The following ADAMTSL1 variants were observed in gnomAD, a reference collection of about 807,000 sequenced individuals.
ADAMTSL1 encodes the protein ADAMTS like 1, also known as ADAMTS-like protein 1.
Under a neutral mutation model 201.8 loss-of-function variants are expected in ADAMTSL1, and 126 were observed. That is an observed-to-expected ratio of 0.62 (90% CI 0.54 to 0.72). ADAMTSL1 has a LOEUF of 0.72. Ranked by LOEUF, ADAMTSL1 falls within the 30% of genes least tolerant of loss-of-function variation. The probability of loss-of-function intolerance (pLI) is 0.00; values close to 1 mark genes in which losing one functional copy is unlikely to be tolerated. For missense variants in ADAMTSL1, 2,679 were observed against 2,277.8 expected (o/e 1.18, Z -3.59); for synonymous variants, 1,121 against 903.4 (o/e 1.24, Z -4.32).
chr9:18,693,169 G>A (rs1831337114), intron 13 of ADAMTSL1, among the ~76,000 whole-genome samples: 4 of 152,208 alleles, frequency 2.6e-5, no homozygotes, highest in Admixed American at 1.3e-4. Context: ...GTAGCTGATG[G>A]CATGATAAGG....
Position 18,506,547 on chromosome 9 carries a change from A to C in ADAMTSL1, c.191+1591A>C, listed in dbSNP as rs1294696963. ...TTTAGGGAATACATTAAAATCACAA[A>C]ATTCTGTCATTCAGCAAATAATCAA... On this transcript the variant is annotated intron_variant, in intron 2 of 28. Transcript: ENST00000380548. Among the ~76,000 whole-genome samples the C allele has an allele frequency of 2.0e-5, 3 of 152,022 alleles. 1 individual carries two copies. Among genetic ancestry groups the C allele is most frequent in the Non-Finnish European group, 4.4e-5 (3 of 68,002 alleles).
In ADAMTSL1 at chr9:18,776,783, C is replaced by G; in HGVS notation, c.2554C>G (p.Pro852Ala). ...CTTCGGGTTCGCTCTCCTTCCAGGG[C>G]CCGGGCGGCCATCCACGAAGCACAG... is the stretch of plus-strand genomic sequence containing the variant. ...RPCMLATCAR[P>A]GRPSTKHSPH... is the part of the protein sequence containing the mutation. Residue 852 changes from proline (P) to alanine (A), a missense_variant and splice_region_variant, in exon 19 of 29, where the codon CCC becomes GCC. Physicochemically the swap from Pro to Ala is conservative, Grantham distance 27. Transcript: ENST00000380548. 1 of 1,545,390 alleles carries G rather than the reference C, an allele frequency of 6.5e-7. No homozygotes were observed. Among genetic ancestry groups the G allele is most frequent in the Non-Finnish European group, 8.7e-7 (1 of 1,146,190 alleles).
intron 2 of ADAMTSL1, among the ~76,000 whole-genome samples, chr9:18,419,044 G>T (rs2133352398): frequency 6.6e-6 from 1 of 152,260 alleles, no homozygotes; most frequent in South Asian, 2.1e-4. Context: ...TATAAATGTG[G>T]CCAATTGATT....
At chr9:18,511,859 A>G (rs1037460003) in intron 2 of ADAMTSL1, among the ~76,000 whole-genome samples, 1 of 152,162 alleles carries the variant, frequency 6.6e-6, no homozygotes, top group Non-Finnish European at 1.5e-5. Context: ...TTTTTTCTCT[A>G]AAAGACATCT....
intron 1 of ADAMTSL1, among the ~76,000 whole-genome samples, chr9:18,022,638 A>G (rs1415193988): frequency 2.6e-5 from 4 of 152,136 alleles, no homozygotes; most frequent in Non-Finnish European, 5.9e-5. Flanking sequence ...TTTCAAGTAT[A>G]TTATATGGAA....
rs749555811 is a variant in ADAMTSL1 at position 18,706,944 on chromosome 9, A to C, written c.1772A>C (p.Asn591Thr). ...TGCAGCGGGGAAATTCCTGAGTTCA[A>C]CCCAGACGAGACAGATGGGCTCTTT... Reference protein sequence around the residue: ...GPCSGEIPEFNPDETDGLFGG... With the variant: ...GPCSGEIPEFTPDETDGLFGG... Residue 591 changes from asparagine (N) to threonine (T), a missense_variant, in exon 14 of 29, where the codon AAC becomes ACC. Asn to Thr is a moderately conservative substitution (Grantham distance 65). Transcript: ENST00000380548. The C allele has an allele frequency of 2.2e-5, 36 of 1,613,800 alleles. 1 individual carries two copies. Among genetic ancestry groups the C allele is most frequent in the Non-Finnish European group, 2.9e-5 (34 of 1,179,888 alleles).
At position 18,030,033 on chromosome 9, in the gene ADAMTSL1, C is replaced by T. The variant is rs932862749; in HGVS notation, c.87+123111C>T. ...AACTAGAAATACCATTTGACCCAGC[C>T]ATCCCATTACTGGGTATATACCCAA... On this transcript the variant is annotated intron_variant, in intron 1 of 29. Transcript: ENST00000680146. Among the ~76,000 whole-genome samples, 12 of 152,168 alleles carry T rather than the reference C, an allele frequency of 7.9e-5. 1 individual carries two copies. Among genetic ancestry groups the T allele is most frequent in the African/African-American group, 2.4e-4 (10 of 41,492 alleles).
intron 13 of ADAMTSL1, among the ~76,000 whole-genome samples, chr9:18,701,181 A>G (rs1334602310): frequency 3.3e-5 from 5 of 149,524 alleles, no homozygotes; most frequent in Non-Finnish European, 7.4e-5. Context: ...CACTTAACAG[A>G]GTTATCCAGT....
chr9:17,938,408 A>G (rs1827098428), intron 1 of ADAMTSL1, among the ~76,000 whole-genome samples: 1 of 152,240 alleles, frequency 6.6e-6, no homozygotes, highest in South Asian at 2.1e-4. Flanking sequence ...TTTCAAAGAG[A>G]TACCCCCAGG....
intron 14 of ADAMTSL1, among the ~76,000 whole-genome samples, chr9:18,718,982 T>A (rs1017908459): frequency 6.6e-6 from 1 of 152,218 alleles, no homozygotes; most frequent in East Asian, 1.9e-4. Context: ...AGCTCTAGAT[T>A]CTGTATGGGA....
rs1186507183 is a variant in ADAMTSL1, at chr9:18,907,130, C to G, written c.5182+218C>G. ...TATGCCCCAAGGGCTTCCATGATCTCCATCCTGGCCCTGAGAGAGCCAGGT... is the reference window on the plus strand; with the variant it reads ...TATGCCCCAAGGGCTTCCATGATCTGCATCCTGGCCCTGAGAGAGCCAGGT... On this transcript the variant is annotated intron_variant, in intron 28 of 28. Coordinates refer to ENST00000380548, the MANE Select transcript of ADAMTSL1 (RefSeq NM_001040272.6). The G allele has an allele frequency of 2.2e-5, 12 of 556,588 alleles. No individual in the cohort carries two copies. In the East Asian group the frequency reaches 3.2e-4, roughly 15 times the overall value. The allele number at this position is 556,588 out of a possible 1,614,324, so 34.5% of individuals were successfully genotyped here.
At chr9:18,387,083 A>T (rs1837825466) in intron 2 of ADAMTSL1, among the ~76,000 whole-genome samples, 1 of 152,112 alleles carries the variant, frequency 6.6e-6, no homozygotes, top group African/African-American at 2.4e-5. Context: ...TTCAAAAATT[A>T]ATATATACAT....
At chr9:18,468,410 C>T (rs924712298) in intron 2 of ADAMTSL1, among the ~76,000 whole-genome samples, 2 of 152,120 alleles carry the variant, frequency 1.3e-5, no homozygotes, top group Non-Finnish European at 2.9e-5. Flanking sequence ...TTAAATCTTT[C>T]AAATGCAGAA....
At chr9:18,742,165 C>T (rs541918066) in intron 15 of ADAMTSL1, among the ~76,000 whole-genome samples, 1 of 152,148 alleles carries the variant, frequency 6.6e-6, no homozygotes, top group East Asian at 1.9e-4. Flanking sequence ...CCATAAAGGC[C>T]CTATTTCTAA....
chr9:18,100,976 G>C (rs1824488539), intron 1 of ADAMTSL1, among the ~76,000 whole-genome samples: 1 of 152,074 alleles, frequency 6.6e-6, no homozygotes, highest in African/African-American at 2.4e-5. Flanking sequence ...GCTCTTGATG[G>C]CTTGTCCTCG....
At chr9:18,871,336 C>A (rs1827860427) in intron 23 of ADAMTSL1, among the ~76,000 whole-genome samples, 1 of 152,208 alleles carries the variant, frequency 6.6e-6, no homozygotes, top group African/African-American at 2.4e-5. Flanking sequence ...TTCTAAGCTT[C>A]CATGTTATTA....
intron 2 of ADAMTSL1, among the ~76,000 whole-genome samples, chr9:18,447,660 A>T (rs929433989): frequency 6.6e-6 from 1 of 152,208 alleles, no homozygotes; most frequent in Non-Finnish European, 1.5e-5. Context: ...CAGGACATAC[A>T]CTGCTAAAGA....
intron 2 of ADAMTSL1, among the ~76,000 whole-genome samples, chr9:18,331,451 C>G (rs1480158707): frequency 1.3e-5 from 2 of 152,152 alleles, no homozygotes; most frequent in East Asian, 3.9e-4. Context: ...CAGGGTAAAA[C>G]CTTAGTATAA....
At chr9:18,652,480 A>C (rs1023844125) in intron 7 of ADAMTSL1, among the ~76,000 whole-genome samples, 7 of 152,134 alleles carry the variant, frequency 4.6e-5, no homozygotes, top group African/African-American at 1.7e-4. Context: ...ACCAACAACA[A>C]ATTTTTTACT....
Sources: gnomAD v4.1 joint callset for allele counts (sites outside exome capture counted in the v4.1 genomes callset) on GRCh38, gnomAD v4.1.1 for gene constraint, MANE v1.5 for transcripts, NCBI Gene and HGNC (gene_info 2026-07-23, HGNC 2026-07-21) for gene names.